The following GRHL1 variants were observed in gnomAD, a reference collection of about 807,000 sequenced individuals.
GRHL1 encodes the protein grainyhead-like protein 1 homolog.
In GRHL1, 38 loss-of-function variants were observed where a neutral mutation model predicts 75.7. The observed-to-expected ratio is 0.50, with a 90% CI of 0.39 to 0.66. The LOEUF (loss-of-function observed/expected upper bound fraction) is 0.66, where lower values mean the gene tolerates loss of function less well. GRHL1 is among the 30% of genes least tolerant of loss of function. The pLI, the probability that GRHL1 is intolerant of heterozygous loss-of-function variation, is 0.00. For synonymous variants in GRHL1, 266 were observed against 279.4 expected (o/e 0.95, Z 0.48); for missense variants, 589 against 767.5 (o/e 0.77, Z 2.75).
intron 2 of GRHL1, among the ~76,000 whole-genome samples, chr2:9,955,798 G>A (rs760555357): frequency 1.3e-5 from 2 of 152,234 alleles, no homozygotes; most frequent in East Asian, 1.9e-4. Flanking sequence ...GTCCATGGCC[G>A]AGGCCACTGT....
intron 1 of GRHL1, among the ~76,000 whole-genome samples, chr2:9,952,237 G>C (rs1007976726): frequency 6.6e-6 from 1 of 152,134 alleles, no homozygotes; most frequent in African/African-American, 2.4e-5. Context: ...TCTCCTGCCC[G>C]GTCGGCCTCG....
At chr2:9,976,176 C>T (rs950946512) in intron 8 of GRHL1, among the ~76,000 whole-genome samples, 3 of 152,140 alleles carry the variant, frequency 2.0e-5, no homozygotes, top group Non-Finnish European at 4.4e-5. Flanking sequence ...ATGAGTAATC[C>T]ATGACCCAAA....
chr2:9,985,766 G>A (rs2125235804), intron 8 of GRHL1, among the ~76,000 whole-genome samples: 1 of 152,342 alleles, frequency 6.6e-6, no homozygotes, highest in African/African-American at 2.4e-5. Flanking sequence ...CTAAGTTACA[G>A]AACAGCTGCA....
Position 9,990,447 on chromosome 2 carries a change from G to A in GRHL1, c.1270-249G>A, listed in dbSNP as rs1668592645. ...ATTACAGGCATGAGCTACCGCTTCC[G>A]GCCGGAATTTTGCTTTATTTGTTTT... On this transcript the variant is annotated intron_variant, in intron 9 of 15. Transcript: ENST00000324907. This position sits in a 1 kb window ranked among gnomAD's most constrained non-coding sequence, Gnocchi z 4.2. Among the ~76,000 whole-genome samples the A allele has an allele frequency of 6.6e-6, 1 of 152,114 alleles. No individual in the cohort carries two copies. The highest frequency in any genetic ancestry group is 2.4e-5 in the African/African-American group (1 of 41,406).
chr2:9,980,552 A>G (rs1668154948), intron 8 of GRHL1, among the ~76,000 whole-genome samples: 1 of 152,212 alleles, frequency 6.6e-6, no homozygotes, highest in Non-Finnish European at 1.5e-5. Context: ...TGGCCTGTTC[A>G]GCAGTTTATG....
chr2:9,991,378 ATT>A (rs1668637199), intron 10 of GRHL1, among the ~76,000 whole-genome samples: 2 of 152,176 alleles, frequency 1.3e-5, no homozygotes, highest in Non-Finnish European at 2.9e-5. Context: ...CTCAGCAGAC[ATT>A]TGCCCTGCAA....
intron 8 of GRHL1, among the ~76,000 whole-genome samples, chr2:9,982,416 G>C (rs950797609): frequency 6.6e-6 from 1 of 152,172 alleles, no homozygotes; most frequent in Non-Finnish European, 1.5e-5. Context: ...AACAGTCCCA[G>C]CATCTCAAAC....
Position 9,961,202 on chromosome 2 carries a change from C to A in GRHL1, c.435C>A (p.Val145=). ...RGHLTAPDTT[V]TVSIATMPTH... ...ATCTGACAGCTCCAGATACGACAGT[C>A]ACTGTCTCCATAGCAACGATGCCTA... Residue 145 remains valine, a synonymous_variant, in exon 4 of 16, where the codon GTC becomes GTA. Coordinates refer to ENST00000324907, the MANE Select transcript of GRHL1 (RefSeq NM_198182.3). 6.2e-7 allele frequency: 1 copy of A among 1,614,084 alleles called. No individual in the cohort carries two copies. The highest frequency in any genetic ancestry group is 8.5e-7 in the Non-Finnish European group (1 of 1,179,930).
At chr2:9,994,202 G>T (rs1177871717) in intron 12 of GRHL1, among the ~76,000 whole-genome samples, 1 of 151,946 alleles carries the variant, frequency 6.6e-6, no homozygotes, top group Non-Finnish European at 1.5e-5. Context: ...AGGAGTGCAG[G>T]GGTGCAGTCA....
chr2:9,953,020 T>G, intron 1 of GRHL1: 1 of 456,798 alleles, frequency 2.2e-6, no homozygotes, highest in Non-Finnish European at 4.4e-6. Flanking sequence ...TGAAGCCTAC[T>G]TCCTGACTGT....
chr2:9,961,485 T>G, intron 4 of GRHL1, 49 bp downstream of exon 4: 1 of 1,511,692 alleles, frequency 6.6e-7, no homozygotes, highest in Non-Finnish European at 9.0e-7. Flanking sequence ...TTTGTATAAG[T>G]ATTGGGTTCC....
At chr2:9,985,244 A>G (rs1043852409) in intron 8 of GRHL1, among the ~76,000 whole-genome samples, 1 of 152,168 alleles carries the variant, frequency 6.6e-6, no homozygotes, top group Non-Finnish European at 1.5e-5. Flanking sequence ...CGTTTCTCTC[A>G]TGGAAATAGA....
chr2:9,998,926 G>A (rs1669141534), intron 14 of GRHL1, 39 bp from the exon 15 acceptor site: 2 of 1,003,068 alleles, frequency 2.0e-6, no homozygotes, highest in South Asian at 1.5e-5. Flanking sequence ...CTAAAGCCTT[G>A]ATACAGGGTT....
At chr2:9,958,174 CTTT>C (rs61051898) in intron 2 of GRHL1, among the ~76,000 whole-genome samples, 15 of 130,708 alleles carry the variant, frequency 1.1e-4, no homozygotes, top group Non-Finnish European at 1.3e-4. Context: ...TTCTTTTTTT[CTTT>C]TTTTTTTTTT....
At chr2:9,981,769 C>T (rs907160156) in intron 8 of GRHL1, among the ~76,000 whole-genome samples, 7 of 152,216 alleles carry the variant, frequency 4.6e-5, no homozygotes, top group African/African-American at 1.7e-4. Context: ...TTATTAAAAG[C>T]ATGCAATAAG....
In GRHL1 at chr2:10,002,218, T is replaced by G. The variant is rs1669295904; in HGVS notation, c.*1511T>G. The G allele has an allele frequency of 6.5e-6, 1 of 152,682 alleles. No individual in the cohort carries two copies. The highest frequency in any genetic ancestry group is 1.9e-4 in the East Asian group (1 of 5,206). The allele number at this position is 152,682 out of a possible 1,614,324, so 9.5% of individuals were successfully genotyped here. A position where few individuals can be genotyped will look rare whatever the true frequency, so the allele number is the denominator to read the frequency against. ...TTTTGTCTTGCGTGTTATTTTTAAT[T>G]GTATCATTGAAGATGTATTTTAAAC... On this transcript the variant is annotated 3_prime_UTR_variant, in exon 16 of 16. Coordinates refer to ENST00000324907, the MANE Select transcript of GRHL1 (RefSeq NM_198182.3).
rs567180116 is a variant in GRHL1 at position 9,981,565 on chromosome 2, G to A, written c.1111-4559G>A. Reference sequence around the variant, plus strand: ...TCGAAACACGACCACACTCATATCCGTGGCTGCTTTTACACTATTACTGCA... The same window carrying A: ...TCGAAACACGACCACACTCATATCCATGGCTGCTTTTACACTATTACTGCA... On this transcript the variant is annotated intron_variant, in intron 8 of 15. Coordinates refer to ENST00000324907, the MANE Select transcript of GRHL1 (RefSeq NM_198182.3). Among the ~76,000 whole-genome samples the A allele has an allele frequency of 4.6e-5, 7 of 152,310 alleles. No homozygotes were observed. The South Asian group carries it at 1.2e-3, about 27-fold the overall frequency.
intron 8 of GRHL1, among the ~76,000 whole-genome samples, chr2:9,980,531 G>A (rs1000249529): frequency 1.3e-5 from 2 of 152,118 alleles, no homozygotes; most frequent in Non-Finnish European, 2.9e-5. Flanking sequence ...AAGGAATCTT[G>A]TAGAGCACCT....
At position 9,956,346 on chromosome 2, in the gene GRHL1, A is replaced by G. The variant is rs114299132; in HGVS notation, c.207+1245A>G. ...AACATGATGAGGCCCTGTCTCTACC[A>G]AAAATAAATAAATAAAAAAATACAG... On this transcript the variant is annotated intron_variant, in intron 2 of 15. Coordinates refer to ENST00000324907, the MANE Select transcript of GRHL1 (RefSeq NM_198182.3). Among the ~76,000 whole-genome samples the G allele has an allele frequency of 1.0e-2, 1,519 of 152,210 alleles. 32 individuals are homozygous for G. The highest frequency in any genetic ancestry group is 0.033 in the African/African-American group (1,378 of 41,524).
Sources: allele counts gnomAD v4.1 joint callset (sites outside exome capture counted in the v4.1 genomes callset), GRCh38; gene constraint gnomAD v4.1.1; non-coding constraint Gnocchi (gnomAD v3.1); transcripts MANE v1.5; gene names NCBI Gene and HGNC (gene_info 2026-07-23, HGNC 2026-07-21).